ACCS: variants seen among roughly 807,000 people sequenced by gnomAD.
The protein encoded by ACCS is 1-aminocyclopropane-1-carboxylate synthase homolog (inactive), also known as 1-aminocyclopropane-1-carboxylate synthase-like protein 1.
Under a neutral mutation model 59.8 loss-of-function variants are expected in ACCS, and 42 were observed. The ratio of observed to expected loss-of-function variants is 0.70; its 90% CI spans 0.55 to 0.91. The LOEUF is 0.91. ACCS is among the 40% of genes least tolerant of loss of function. The pLI is 0.00. For synonymous variants in ACCS, 230 were observed against 240.3 expected, an observed-to-expected ratio of 0.96 and a Z score of 0.40; for missense variants, 602 against 630.4, an observed-to-expected ratio of 0.95 and a Z score of 0.48.
rs757692881 is a variant in ACCS at position 44,083,808 on chromosome 11, G to A, written c.*16G>A. The A allele has an allele frequency of 2.3e-5, 37 of 1,582,672 alleles. No homozygotes were observed. Among genetic ancestry groups the A allele is most frequent in the Admixed American group, 1.6e-4 (9 of 55,244 alleles). ...ACGCAGGTGAGCTGGTCATTGTCTC[G>A]TGGCCAGAGGGCCCAGCAGCCACTG... On this transcript the variant is annotated 3_prime_UTR_variant, in exon 15 of 15. Coordinates refer to ENST00000263776, the MANE Select transcript of ACCS (RefSeq NM_032592.4).
At position 44,075,119 on chromosome 11, in the gene ACCS, T is replaced by A. The variant is rs187563433; in HGVS notation, c.490-407T>A. 1.8e-4 allele frequency among the ~76,000 whole-genome samples: 27 copies of A among 152,284 alleles called. 1 individual carries two copies. The highest frequency in any genetic ancestry group is 2.9e-4 in the Non-Finnish European group (20 of 68,024). On this transcript the variant is annotated intron_variant, in intron 5 of 14. Coordinates refer to ENST00000263776, the MANE Select transcript of ACCS (RefSeq NM_032592.4). The stretch of plus-strand genomic sequence containing the variant: ...GATTACAGGCCTGAGCCACTGAGCC[T>A]GGCCTCCATTCCCCATCTTTGGGCT...
chr11:44,067,970 C>A lies in ACCS; in HGVS notation c.288+55C>A, dbSNP rs1244943195. ...CAAGAGAGAACTGCAGGGTGGGGTA[C>A]CCTACCTTGACCAATAAGGCAGCAT... On this transcript the variant is annotated intron_variant, in intron 2 of 14. Transcript: ENST00000263776. 2.0e-6 allele frequency: 3 copies of A among 1,524,394 alleles called. No individual in the cohort carries two copies. In the African/African-American group the frequency reaches 4.2e-5, roughly 21 times the overall value. 94.4% of individuals were successfully genotyped at this position (1,524,394 alleles called of 1,614,324 possible). A position where few individuals can be genotyped will look rare whatever the true frequency, so the allele number is the denominator to read the frequency against.
rs762228328 is a variant in ACCS at position 44,078,782 on chromosome 11, G to A, written c.831G>A (p.Lys277=). ...TACAGGAGTACCTGGTATTTGCCAA[G>A]AGGTGAGGCACCCCACACTGGCCCC... The part of the protein sequence containing the change: ...EELQEYLVFA[K]RHRLHVIVDE... The change falls in exon 9 of 15, where the codon AAG becomes AAA. Residue 277 remains lysine, a splice_region_variant and synonymous_variant. Transcript: ENST00000263776. 1.4e-5 allele frequency: 22 copies of A among 1,613,952 alleles called. No individual in the cohort carries two copies. Among genetic ancestry groups the A allele is most frequent in the Non-Finnish European group, 1.6e-5 (19 of 1,179,896 alleles).
rs1277041336 is a variant in ACCS at position 44,074,699 on chromosome 11, C to G, written c.489+18C>G. On this transcript the variant is annotated intron_variant, in intron 5 of 14. Coordinates refer to ENST00000263776, the MANE Select transcript of ACCS (RefSeq NM_032592.4). ...CAGAGAATGTGAGTGGCCCCCTCCA[C>G]TGCTCCTTCCTGTTCTCCTGCCTCC... 2.7e-6 allele frequency: 4 copies of G among 1,498,450 alleles called. No individual in the cohort carries two copies. The highest frequency in any genetic ancestry group is 3.6e-6 in the Non-Finnish European group (4 of 1,116,412). 92.8% of individuals were successfully genotyped at this position (1,498,450 alleles called of 1,614,324 possible).
In ACCS at chr11:44,083,939, C is replaced by G; in HGVS notation, c.*147C>G. The G allele has an allele frequency of 6.8e-7, 1 of 1,460,218 alleles. No individual in the cohort carries two copies. The highest frequency in any genetic ancestry group is 9.0e-7 in the Non-Finnish European group (1 of 1,106,868). 90.5% of individuals were successfully genotyped at this position (1,460,218 alleles called of 1,614,324 possible). A position where few individuals can be genotyped will look rare whatever the true frequency, so the allele number is the denominator to read the frequency against. On this transcript the variant is annotated 3_prime_UTR_variant, in exon 15 of 15. Coordinates refer to ENST00000263776, the MANE Select transcript of ACCS (RefSeq NM_032592.4). The stretch of plus-strand genomic sequence containing the variant: ...GCCTGAAGAACTGTTTCTTGTCTTT[C>G]GCTGTAGCAGTGGGAAACTCCTTAA...
Position 44,074,664 on chromosome 11 carries a change from C to A in ACCS, c.472C>A (p.Pro158Thr). 1.2e-6 allele frequency: 2 copies of A among 1,612,592 alleles called. No homozygotes were observed. Among genetic ancestry groups the A allele is most frequent in the Admixed American group, 1.7e-5 (1 of 59,850 alleles). ...GTCTTTCTACTGCAAGAGCCCAGTA[C>A]CCCTCAGACCAGAGAATGTGAGTGG... Reference protein sequence around the residue: ...FLSFYCKSPVPLRPENVVVLN... With the variant: ...FLSFYCKSPVTLRPENVVVLN... Residue 158 changes from proline (P) to threonine (T), a missense_variant, in exon 5 of 15, where the codon CCC (proline) becomes ACC (threonine). By Grantham distance (38) the Pro-to-Thr change is conservative (BLOSUM62 -1). Transcript: ENST00000263776.
At chr11:44,067,604 C>A (rs151181120) in intron 1 of ACCS, 24 bp from the exon 2 acceptor site, 129 of 1,582,484 alleles carry the variant, frequency 8.2e-5, no homozygotes, top group Non-Finnish European at 1.1e-4. Context: ...CTTGAGCAGG[C>A]CTGTGCGTTT....
In ACCS at chr11:44,083,829, C is replaced by T; in HGVS notation, c.*37C>T. 1 of 1,563,494 alleles carries T rather than the reference C, an allele frequency of 6.4e-7. No individual in the cohort carries two copies. Among genetic ancestry groups the T allele is most frequent in the African/African-American group, 1.4e-5 (1 of 73,672 alleles). ...TCTCGTGGCCAGAGGGCCCAGCAGC[C>T]ACTGTGGACCTGGGGCGTTCTGGGG... On this transcript the variant is annotated 3_prime_UTR_variant, in exon 15 of 15. Coordinates refer to ENST00000263776, the MANE Select transcript of ACCS (RefSeq NM_032592.4).
intron 3 of ACCS, chr11:44,072,124 G>A (rs994278965): frequency 1.4e-5 from 2 of 138,762 alleles, no homozygotes; most frequent in African/African-American, 2.6e-5. Context: ...TCAACCCCAA[G>A]GGGAAGGGGT....
chr11:44,083,322 T>C lies in ACCS; in HGVS notation c.1254+11T>C. 6.2e-7 allele frequency: 1 copy of C among 1,613,820 alleles called. No homozygotes were observed. The highest frequency in any genetic ancestry group is 8.5e-7 in the Non-Finnish European group (1 of 1,179,788). On this transcript the variant is annotated intron_variant, in intron 13 of 14. Coordinates refer to ENST00000263776, the MANE Select transcript of ACCS (RefSeq NM_032592.4). ...GTTGACTTGAGAAAGGTAATGCTGG[T>C]GGAGGTGCGGGCTGAGAGGGAGTTT...
chr11:44,069,611 A>C (rs1249587115), intron 2 of ACCS, among the ~76,000 whole-genome samples: 1 of 152,198 alleles, frequency 6.6e-6, no homozygotes, highest in African/African-American at 2.4e-5. Flanking sequence ...TGAAAGGTTG[A>C]CTTGGGGCCA....
At chr11:44,077,628 G>A in intron 7 of ACCS, 13 of 1,437,990 alleles carry the variant, frequency 9.0e-6, no homozygotes, top group Non-Finnish European at 1.2e-5. Context: ...ACAGAGCAGG[G>A]TAGACCTAAG....
chr11:44,080,714 G>A (rs949830248), intron 10 of ACCS: 22 of 458,010 alleles, frequency 4.8e-5, no homozygotes, highest in Non-Finnish European at 8.0e-5. Flanking sequence ...CCTGGTCCCA[G>A]GGGGAGTGGT....
At chr11:44,079,092 T>C (rs1953516085) in intron 9 of ACCS, 1 of 409,980 alleles carries the variant, frequency 2.4e-6, no homozygotes, top group African/African-American at 2.0e-5. Context: ...ACCCTTTATG[T>C]GCCTCATACA....
intron 2 of ACCS, among the ~76,000 whole-genome samples, chr11:44,068,368 C>T (rs1952889823): frequency 6.6e-6 from 1 of 152,110 alleles, no homozygotes; most frequent in African/African-American, 2.4e-5. Flanking sequence ...GAGGCTGAGG[C>T]AGAGGGAACA....
intron 13 of ACCS, 55 bp from the exon 14 acceptor site, chr11:44,083,369 A>C: frequency 6.2e-7 from 1 of 1,612,432 alleles, no homozygotes; most frequent in South Asian, 1.1e-5. Flanking sequence ...CCAGCAGGTG[A>C]GGGGCAGTTG....
chr11:44,077,483 A>G (rs1278707214), intron 7 of ACCS, 107 bp downstream of exon 7: 1 of 1,548,696 alleles, frequency 6.5e-7, no homozygotes, highest in East Asian at 2.3e-5. Context: ...GGTTGTGATG[A>G]GTAGGGAATG....
intron 12 of ACCS, chr11:44,082,086 T>C (rs889468277): frequency 1.3e-5 from 2 of 152,200 alleles, no homozygotes; most frequent in Non-Finnish European, 2.9e-5. Flanking sequence ...GAGGACCAGA[T>C]ACTACCCCAC....
rs113544542 is a variant in ACCS at position 44,077,245 on chromosome 11, A to G, written c.557-34A>G. On this transcript the variant is annotated intron_variant, in intron 6 of 14. Transcript: ENST00000263776. Reference sequence around the variant, plus strand: ...AGAGGGTCTGGGGTGTTCTGGCCAGAAAGTGACAGGCCCTCGCCCACTCCT... The same window carrying G: ...AGAGGGTCTGGGGTGTTCTGGCCAGGAAGTGACAGGCCCTCGCCCACTCCT... 1,097 of 1,605,258 alleles carry G rather than the reference A, an allele frequency of 6.8e-4. 8 individuals are homozygous for G. In the African/African-American group the frequency reaches 0.013, roughly 18 times the overall value.
Sources: allele counts gnomAD v4.1 joint callset (sites outside exome capture counted in the v4.1 genomes callset), GRCh38; gene constraint gnomAD v4.1.1; transcripts MANE v1.5; gene names NCBI Gene and HGNC (gene_info 2026-07-23, HGNC 2026-07-21).